Variants in PTPRC observed in about 807,000 individuals in gnomAD.
PTPRC encodes the protein receptor-type tyrosine-protein phosphatase C.
A neutral mutation model predicts 155.9 loss-of-function variants in PTPRC; 44 were observed. The observed-to-expected ratio is 0.28, with a 90% confidence interval of 0.22 to 0.36. The LOEUF is 0.36. Ranked by LOEUF, PTPRC falls within the 10% of genes least tolerant of loss-of-function variation. The pLI is 1.00. For missense variants in PTPRC, 1,401 were observed against 1,564.6 expected (o/e 0.90, Z 1.76); for synonymous variants, 525 against 533.1 (o/e 0.98, Z 0.21).
At chr1:198,713,212 T>C in intron 12 of PTPRC, 140 bp downstream of exon 12, 2 of 1,202,172 alleles carry the variant, frequency 1.7e-6, no homozygotes, top group Non-Finnish European at 2.3e-6. Context: ...GATCTTAGAA[T>C]TGCTTCCACT....
chr1:198,713,760 C>T lies in PTPRC; in HGVS notation c.1291+688C>T, dbSNP rs544151250. Reference sequence around the variant, plus strand: ...GAGTATCTCAGAGCAGCCTCAATGCCTGGGATAGCCCTTTCTCTATTCTTT... The same window carrying T: ...GAGTATCTCAGAGCAGCCTCAATGCTTGGGATAGCCCTTTCTCTATTCTTT... On this transcript the variant is annotated intron_variant, in intron 12 of 32. Transcript: ENST00000442510. Among the ~76,000 whole-genome samples the T allele has an allele frequency of 8.3e-4, 126 of 152,244 alleles. 2 individuals are homozygous for T. The highest frequency in any genetic ancestry group is 3.4e-3 in the Middle Eastern group (1 of 294).
Position 198,741,918 on chromosome 1 carries a change from G to A in PTPRC, c.2453G>A (p.Ser818Asn). 6.2e-7 allele frequency: 1 copy of A among 1,612,132 alleles called. No individual in the cohort carries two copies. The highest frequency in any genetic ancestry group is 8.5e-7 in the Non-Finnish European group (1 of 1,178,970). ...GREVTHIQFT[S>N]WPDHGVPEDP... ...GAGGTGACTCACATTCAGTTCACCA[G>A]CTGGCCAGACCACGGGGTGCCTGAG... The change falls in exon 24 of 33, where the codon AGC (serine) becomes AAC (asparagine). Residue 818 changes from serine to asparagine, a missense_variant. Ser to Asn is a conservative substitution (Grantham distance 46). This residue lies in a region of PTPRC where 134 missense variants were observed against 204.7 expected (regional missense o/e 0.65). Coordinates refer to ENST00000442510, the MANE Select transcript of PTPRC (RefSeq NM_002838.5).
chr1:198,684,821 C>G (rs1304693089), intron 2 of PTPRC, among the ~76,000 whole-genome samples: 1 of 151,950 alleles, frequency 6.6e-6, no homozygotes, highest in East Asian at 1.9e-4. Context: ...CTCTTTTGCT[C>G]CTTGCATTGC....
At chr1:198,694,218 A>G in intron 3 of PTPRC, 1 of 1,393,546 alleles carries the variant, frequency 7.2e-7, no homozygotes, top group Non-Finnish European at 9.4e-7. Context: ...CGAGAGAAAG[A>G]TGAAGACCAG....
At chr1:198,701,813 C>A (rs1033702892) in intron 5 of PTPRC, among the ~76,000 whole-genome samples, 1 of 152,210 alleles carries the variant, frequency 6.6e-6, no homozygotes, top group Non-Finnish European at 1.5e-5. Flanking sequence ...TAACCTTCAG[C>A]TGGAAAGGAA....
At chr1:198,648,009 C>A (rs2102200628) in intron 2 of PTPRC, among the ~76,000 whole-genome samples, 1 of 151,924 alleles carries the variant, frequency 6.6e-6, no homozygotes, top group South Asian at 2.1e-4. Flanking sequence ...ATTTAAAAAT[C>A]ACTATCTTAA....
At chr1:198,646,622 A>C (rs1662951321) in intron 2 of PTPRC, among the ~76,000 whole-genome samples, 1 of 151,904 alleles carries the variant, frequency 6.6e-6, no homozygotes. Flanking sequence ...GGAGATTGAC[A>C]GCTCTTTGAG....
chr1:198,679,822 C>T (rs1056444325), intron 2 of PTPRC: 11 of 551,322 alleles, frequency 2.0e-5, no homozygotes, highest in African/African-American at 7.8e-5. Flanking sequence ...CTTCTTCCTG[C>T]CGGGAGCGTC....
chr1:198,639,232 G>A lies in PTPRC; in HGVS notation c.-37G>A, dbSNP rs779020551. ...CAATTATTTTGCTTTTCAGAAGGAC[G>A]CATGCTGTTTCTTAGGGACACGGCT... is the stretch of plus-strand genomic sequence containing the variant. On this transcript the variant is annotated 5_prime_UTR_variant, in exon 2 of 33. Transcript: ENST00000442510. The A allele has an allele frequency of 2.9e-5, 45 of 1,570,372 alleles. 2 individuals carry two copies. In the Middle Eastern group the frequency reaches 8.3e-4, roughly 29 times the overall value.
At chr1:198,640,793 A>G (rs1450432211) in intron 2 of PTPRC, among the ~76,000 whole-genome samples, 1 of 151,960 alleles carries the variant, frequency 6.6e-6, no homozygotes, top group Non-Finnish European at 1.5e-5. Flanking sequence ...CTTCATATTC[A>G]TTTAACTTCT....
At chr1:198,692,038 GTTTCAAAAGTT>G (rs951420482) in intron 2 of PTPRC, among the ~76,000 whole-genome samples, 6 of 151,960 alleles carry the variant, frequency 3.9e-5, no homozygotes, top group Non-Finnish European at 8.8e-5. Context: ...GGAAAAAAAA[GTTTCAAAAGTT>G]TTTCAAAAGT....
intron 6 of PTPRC, 55 bp downstream of exon 6, chr1:198,702,585 T>G: frequency 6.2e-7 from 1 of 1,600,610 alleles, no homozygotes; most frequent in Non-Finnish European, 8.6e-7. Context: ...AAATGGAAAC[T>G]CAAAACTTTA....
At chr1:198,644,795 A>G (rs938840165) in intron 2 of PTPRC, among the ~76,000 whole-genome samples, 2 of 151,740 alleles carry the variant, frequency 1.3e-5, no homozygotes, top group Non-Finnish European at 2.9e-5. Context: ...TTTATTAGAG[A>G]TTTTAGTAGA....
intron 9 of PTPRC, among the ~76,000 whole-genome samples, chr1:198,707,232 T>G (rs946872093): frequency 6.6e-6 from 1 of 152,256 alleles, no homozygotes; most frequent in Non-Finnish European, 1.5e-5. Flanking sequence ...AGTGATTGTC[T>G]GCAAGCTTTC....
Position 198,718,120 on chromosome 1 carries a change from G to C in PTPRC, c.1477G>C (p.Val493Leu), listed in dbSNP as rs545961977. The change falls in exon 14 of 33, where the codon GTC becomes CTC. Residue 493 changes from valine (V) to leucine (L), a missense_variant. Val to Leu is a conservative substitution (Grantham distance 32, BLOSUM62 1). Transcript: ENST00000442510. ...TCCAAGCCAGGTCTGGAACATGACTGTCTCCATGACATCAGATAATAGTAT... is the reference window on the plus strand; with the variant it reads ...TCCAAGCCAGGTCTGGAACATGACTCTCTCCATGACATCAGATAATAGTAT... ...APPSQVWNMTVSMTSDNSMHV... is the reference protein window; with the variant it reads ...APPSQVWNMTLSMTSDNSMHV... The C allele has an allele frequency of 6.2e-7, 1 of 1,613,458 alleles. No homozygotes were observed. Among genetic ancestry groups the C allele is most frequent in the Admixed American group, 1.7e-5 (1 of 59,998 alleles).
At chr1:198,707,019 C>T (rs1456809953) in intron 9 of PTPRC, 67 bp downstream of exon 9, 5 of 1,308,854 alleles carry the variant, frequency 3.8e-6, no homozygotes, top group Admixed American at 3.5e-5. Context: ...TGGTGTTCTC[C>T]AGTGGTCACA....
chr1:198,738,056 G>T (rs1036432818), intron 23 of PTPRC, among the ~76,000 whole-genome samples: 6 of 151,748 alleles, frequency 4.0e-5, no homozygotes, highest in African/African-American at 1.4e-4. Context: ...TAGTTTTTTG[G>T]TGGAGTATTT....
chr1:198,698,211 A>G (rs539591980), intron 4 of PTPRC, among the ~76,000 whole-genome samples: 1 of 152,342 alleles, frequency 6.6e-6, no homozygotes, highest in Non-Finnish European at 1.5e-5. Flanking sequence ...CACTTAAGCC[A>G]TAAATTTACA....
At chr1:198,738,425 A>G (rs1207651847) in intron 23 of PTPRC, among the ~76,000 whole-genome samples, 1 of 151,746 alleles carries the variant, frequency 6.6e-6, no homozygotes, top group Non-Finnish European at 1.5e-5. Context: ...TTTGTCCTTC[A>G]TTCTGTTGAT....
Sources: allele counts gnomAD v4.1 joint callset (sites outside exome capture counted in the v4.1 genomes callset), GRCh38; gene constraint gnomAD v4.1.1; regional missense constraint gnomAD v4.1.1; transcripts MANE v1.5; gene names NCBI Gene and HGNC (gene_info 2026-07-23, HGNC 2026-07-21).